Variants in PDLIM5 observed in about 807,000 individuals in gnomAD.
PDLIM5 encodes the protein PDZ and LIM domain 5, also known as PDZ and LIM domain protein 5.
PDLIM5 carries 34 observed loss-of-function variants against 64.2 expected under a neutral mutation model. The observed-to-expected ratio is 0.53, with a 90% CI of 0.40 to 0.71. The LOEUF (loss-of-function observed/expected upper bound fraction) is 0.71, where lower values mean the gene tolerates loss of function less well. Among genes scored for constraint, PDLIM5 ranks in the 30% least tolerant of loss-of-function variants. The pLI, the probability that PDLIM5 is intolerant of heterozygous loss-of-function variation, is 0.00. For missense variants in PDLIM5, 683 were observed against 733.6 expected (o/e 0.93, Z 0.80); for synonymous variants, 253 against 269.1 (o/e 0.94, Z 0.59).
At chr4:94,596,024 T>A (rs1305386243) in intron 7 of PDLIM5, among the ~76,000 whole-genome samples, 1 of 152,304 alleles carries the variant, frequency 6.6e-6, no homozygotes, top group East Asian at 1.9e-4. Flanking sequence ...ATCTTTGATT[T>A]TCTGCTGGTT....
intron 3 of PDLIM5, among the ~76,000 whole-genome samples, chr4:94,528,803 A>G (rs1285069245): frequency 6.6e-6 from 1 of 152,238 alleles, no homozygotes; most frequent in Non-Finnish European, 1.5e-5. Flanking sequence ...ATAGGGAAAA[A>G]TAAAGCATGT....
chr4:94,622,811 CAGG>C (rs1420486459), intron 8 of PDLIM5, among the ~76,000 whole-genome samples: 13 of 152,170 alleles, frequency 8.5e-5, no homozygotes, highest in South Asian at 2.1e-4. Flanking sequence ...GCTGGGACTA[CAGG>C]TGCCTGCCAC....
At chr4:94,542,057 A>G (rs1177463762) in intron 3 of PDLIM5, among the ~76,000 whole-genome samples, 1 of 152,166 alleles carries the variant, frequency 6.6e-6, no homozygotes, top group Non-Finnish European at 1.5e-5. Context: ...CATGCGTGTA[A>G]TCCCAGCACT....
intron 3 of PDLIM5, among the ~76,000 whole-genome samples, chr4:94,568,401 A>G (rs1734520112): frequency 7.0e-6 from 1 of 143,056 alleles, no homozygotes; most frequent in African/African-American, 2.7e-5. Flanking sequence ...GATTGTTTAT[A>G]GAAACCCTTT....
Position 94,668,188 on chromosome 4 carries a change from A to C in PDLIM5, c.*4121A>C, listed in dbSNP as rs576959356. The C allele has an allele frequency of 7.2e-5, 11 of 152,186 alleles. No homozygotes were observed. The highest frequency in any genetic ancestry group is 1.5e-4 in the Non-Finnish European group (10 of 68,014). The allele number at this position is 152,186 out of a possible 1,614,324, so 9.4% of individuals were successfully genotyped here. ...GTATAGTAATAATACCATAATGTGC[A>C]CATACTCAATAAATAAATGACTGCA... On this transcript the variant is annotated 3_prime_UTR_variant, in exon 13 of 13. Coordinates refer to ENST00000317968, the MANE Select transcript of PDLIM5 (RefSeq NM_006457.5).
Position 94,609,572 on chromosome 4 carries a change from C to T in PDLIM5, c.921-8432C>T, listed in dbSNP as rs573226205. Among the ~76,000 whole-genome samples the T allele has an allele frequency of 3.2e-3, 491 of 152,210 alleles. 6 individuals are homozygous for T. The highest frequency in any genetic ancestry group is 0.011 in the African/African-American group (461 of 41,542). On this transcript the variant is annotated intron_variant, in intron 7 of 12. Coordinates refer to ENST00000317968, the MANE Select transcript of PDLIM5 (RefSeq NM_006457.5). ...ATTCACTGTAACATTGGTTTATTTTCGCAAAGGTACTTTCCCTCCTTACAT... is the reference window on the plus strand; with the variant it reads ...ATTCACTGTAACATTGGTTTATTTTTGCAAAGGTACTTTCCCTCCTTACAT...
In PDLIM5 at chr4:94,664,572, T is replaced by TA. The variant is rs1742976042; in HGVS notation, c.*511dup. The TA allele has an allele frequency of 2.3e-6, 2 of 869,410 alleles. No individual in the cohort carries two copies. The highest frequency in any genetic ancestry group is 2.8e-6 in the Non-Finnish European group (2 of 724,610). 53.9% of individuals were successfully genotyped at this position (869,410 alleles called of 1,614,324 possible). A position where few individuals can be genotyped will look rare whatever the true frequency, so the allele number is the denominator to read the frequency against. ...TTTATCAGTAATAGGTGTCAGTTTT[T>TA]AAAAAATTGCTTGTAGGCTGAGCGC... On this transcript the variant is annotated 3_prime_UTR_variant, in exon 13 of 13. Coordinates refer to ENST00000317968, the MANE Select transcript of PDLIM5 (RefSeq NM_006457.5).
chr4:94,622,326 C>A (rs776525621), intron 8 of PDLIM5, among the ~76,000 whole-genome samples: 1 of 151,922 alleles, frequency 6.6e-6, no homozygotes, highest in Non-Finnish European at 1.5e-5. Context: ...TCATTAGATA[C>A]AAATGTATGT....
At chr4:94,585,924 C>T (rs754727298) in intron 6 of PDLIM5, among the ~76,000 whole-genome samples, 187 bp downstream of exon 6, 25 of 152,254 alleles carry the variant, frequency 1.6e-4, no homozygotes, top group East Asian at 5.8e-4. Flanking sequence ...GTAATCCCAG[C>T]GCTTTGGGAG....
chr4:94,541,660 A>C (rs926196090), intron 3 of PDLIM5, among the ~76,000 whole-genome samples: 7 of 152,292 alleles, frequency 4.6e-5, no homozygotes, highest in Non-Finnish European at 7.4e-5. Flanking sequence ...TTGAGAAGTG[A>C]GGTAATTCAT....
chr4:94,480,024 C>T (rs955746604), intron 2 of PDLIM5, among the ~76,000 whole-genome samples: 8 of 152,168 alleles, frequency 5.3e-5, no homozygotes. Flanking sequence ...AGCTAAAGCT[C>T]ATTTAGTAGA....
chr4:94,605,797 T>C (rs1241467756), intron 7 of PDLIM5, among the ~76,000 whole-genome samples: 10 of 152,006 alleles, frequency 6.6e-5, no homozygotes. Flanking sequence ...GGCACTCAGC[T>C]TTTTTCCAAT....
chr4:94,574,226 G>A (rs746635021), intron 4 of PDLIM5, among the ~76,000 whole-genome samples: 13 of 152,058 alleles, frequency 8.5e-5, no homozygotes, highest in Non-Finnish European at 1.3e-4. Flanking sequence ...GGCTGCGCGC[G>A]GTGGGTCACG....
chr4:94,582,503 C>G, intron 5 of PDLIM5: 1 of 495,200 alleles, frequency 2.0e-6, no homozygotes, highest in Non-Finnish European at 3.6e-6. Flanking sequence ...TTTTTACTAA[C>G]ATTTGTTCAT....
chr4:94,455,187 A>G (rs1434340838), intron 1 of PDLIM5, 60 bp from the exon 2 acceptor site: 5 of 669,410 alleles, frequency 7.5e-6, no homozygotes, highest in Non-Finnish European at 1.3e-5. Context: ...TACTAAACAT[A>G]ATTTATGTTC....
chr4:94,562,781 A>G (rs780735912), intron 3 of PDLIM5, among the ~76,000 whole-genome samples: 12 of 152,266 alleles, frequency 7.9e-5, no homozygotes, highest in Admixed American at 1.3e-4. Flanking sequence ...TAAGAAGCTT[A>G]CCTTTTGGTA....
intron 8 of PDLIM5, among the ~76,000 whole-genome samples, chr4:94,631,847 A>T (rs1424741323): frequency 6.6e-6 from 1 of 152,014 alleles, no homozygotes; most frequent in Non-Finnish European, 1.5e-5. Context: ...CCGCCTAAGG[A>T]GCTCTTCTGT....
intron 3 of PDLIM5, among the ~76,000 whole-genome samples, chr4:94,552,803 A>T (rs913275668): frequency 6.6e-6 from 1 of 152,144 alleles, no homozygotes; most frequent in African/African-American, 2.4e-5. Context: ...AAAAAGAGTG[A>T]TCTAATTTTA....
intron 3 of PDLIM5, among the ~76,000 whole-genome samples, chr4:94,531,022 C>T (rs1401154676): frequency 6.6e-6 from 1 of 152,092 alleles, no homozygotes; most frequent in African/African-American, 2.4e-5. Context: ...CTATCTGGGA[C>T]ATTTCAGTTC....
Sources: gnomAD v4.1 joint callset for allele counts (sites outside exome capture counted in the v4.1 genomes callset) on GRCh38, gnomAD v4.1.1 for gene constraint, MANE v1.5 for transcripts, NCBI Gene and HGNC (gene_info 2026-07-23, HGNC 2026-07-21) for gene names.